The following SF3A2 variants were observed in gnomAD, a reference collection of about 807,000 sequenced individuals.
The protein encoded by SF3A2 is splicing factor 3a subunit 2, also known as SAP 62.
A neutral mutation model predicts 31.1 loss-of-function variants in SF3A2; 5 were observed. That is an observed-to-expected ratio of 0.16 (90% CI 0.08 to 0.34). The LOEUF (loss-of-function observed/expected upper bound fraction) is 0.34, where lower values mean the gene tolerates loss of function less well. Among genes scored for constraint, SF3A2 ranks in the 10% least tolerant of loss-of-function variants. SF3A2 has a pLI of 1.00. For missense variants in SF3A2, 577 were observed against 643.9 expected, an observed-to-expected ratio of 0.90 and a Z score of 1.13; for synonymous variants, 365 against 263.7, an observed-to-expected ratio of 1.38 and a Z score of -3.72.
At chr19:2,239,175 G>A (rs527881744) in intron 1 of SF3A2, among the ~76,000 whole-genome samples, 3 of 152,190 alleles carry the variant, frequency 2.0e-5, no homozygotes, top group Non-Finnish European at 2.9e-5. Flanking sequence ...GACCAGCCTC[G>A]CCAACCTGGC....
At chr19:2,244,868 C>A (rs150472707) in intron 4 of SF3A2, 89 bp downstream of exon 4, 3 of 1,297,178 alleles carry the variant, frequency 2.3e-6, no homozygotes, top group Non-Finnish European at 3.3e-6. Context: ...GCTCCACAGC[C>A]GGGGAGCCAG....
chr19:2,247,875 C>T lies in SF3A2; in HGVS notation c.724C>T (p.Pro242Ser), dbSNP rs1229638136. ...RPPPPLMNGL[P>S]PRPPLPESLP... Reference sequence around the variant, plus strand: ...TCCACCCCCGCTGATGAACGGTCTGCCCCCTCGGCCACCGCTGCCTGAGTC... The same window carrying T: ...TCCACCCCCGCTGATGAACGGTCTGTCCCCTCGGCCACCGCTGCCTGAGTC... The change falls in exon 9 of 9, where the codon CCC becomes TCC. Residue 242 changes from proline to serine, a missense_variant. By Grantham distance (74) the Pro-to-Ser change is moderately conservative. Transcript: ENST00000221494. The T allele has an allele frequency of 1.3e-6, 2 of 1,560,158 alleles. No homozygotes were observed. Among genetic ancestry groups the T allele is most frequent in the Admixed American group, 1.7e-5 (1 of 59,778 alleles).
At chr19:2,243,666 A>C (rs2024908996) in intron 2 of SF3A2, 122 bp downstream of exon 2, 6 of 1,182,190 alleles carry the variant, frequency 5.1e-6, no homozygotes, top group Non-Finnish European at 5.6e-6. Flanking sequence ...CCCCGTGTCC[A>C]GACGCTCCCC....
intron 1 of SF3A2, among the ~76,000 whole-genome samples, chr19:2,240,426 G>A (rs770136722): frequency 8.5e-5 from 13 of 152,232 alleles, no homozygotes; most frequent in Non-Finnish European, 1.6e-4. Context: ...GACCTTCCCC[G>A]GGGTGCCGCC....
chr19:2,246,595 A>G lies in SF3A2; in HGVS notation c.356-158A>G, dbSNP rs1261070526. On this transcript the variant is annotated intron_variant, in intron 5 of 8. Transcript: ENST00000221494. This position sits in a 1 kb window ranked among gnomAD's most constrained non-coding sequence, Gnocchi z 5.5. ...GCACCTGTGCCTTCACCTATACCAGAATCCCAGAGCCTGGGCGGAGATTGT... is the reference window on the plus strand; with the variant it reads ...GCACCTGTGCCTTCACCTATACCAGGATCCCAGAGCCTGGGCGGAGATTGT... Among the ~76,000 whole-genome samples, 1 of 152,096 alleles carries G rather than the reference A, an allele frequency of 6.6e-6. No individual in the cohort carries two copies. Among genetic ancestry groups the G allele is most frequent in the African/African-American group, 2.4e-5 (1 of 41,408 alleles).
In SF3A2 at chr19:2,247,650, G is replaced by A; in HGVS notation, c.603G>A (p.Arg201=). 1 of 1,613,406 alleles carries A rather than the reference G, an allele frequency of 6.2e-7. No homozygotes were observed. The highest frequency in any genetic ancestry group is 1.1e-5 in the South Asian group (1 of 91,090). Reference sequence around the variant, plus strand: ...GCAAGTTCTGGACACACTGGAACCGGGAGACCAAGCAGGTGAGTGGCTCGC... The same window carrying A: ...GCAAGTTCTGGACACACTGGAACCGAGAGACCAAGCAGGTGAGTGGCTCGC... ...AEGKFWTHWN[R]ETKQFFLQFH... The change falls in exon 8 of 9, where the codon CGG becomes CGA. Residue 201 remains arginine (R), a synonymous_variant. Transcript: ENST00000221494.
At chr19:2,238,134 C>T (rs1192500181) in intron 1 of SF3A2, among the ~76,000 whole-genome samples, 2 of 152,210 alleles carry the variant, frequency 1.3e-5, no homozygotes, top group East Asian at 3.9e-4. Flanking sequence ...AGCCATCCTC[C>T]TGCCTCAACC....
intron 1 of SF3A2, among the ~76,000 whole-genome samples, chr19:2,238,621 G>C (rs1441609066): frequency 6.6e-6 from 1 of 152,180 alleles, no homozygotes. Flanking sequence ...GGCTTTTCTT[G>C]TACCATTCTA....
At position 2,248,555 on chromosome 19, in the gene SF3A2, T is replaced by G; in HGVS notation, c.*9T>G. 1 of 942,676 alleles carries G rather than the reference T, an allele frequency of 1.1e-6. No homozygotes were observed. The highest frequency in any genetic ancestry group is 1.9e-5 in the African/African-American group (1 of 52,980). The allele number at this position is 942,676 out of a possible 1,614,324, so 58.4% of individuals were successfully genotyped here. ...CTCCCCCAACCAACTGAGAAGCTGC[T>G]CCCTCCCCCAGCAAGCCCAGCGCCA... On this transcript the variant is annotated 3_prime_UTR_variant, in exon 9 of 9. Transcript: ENST00000221494.
rs1312599509 is a variant in SF3A2 at position 2,246,509 on chromosome 19, G to A, written c.356-244G>A. 1.3e-5 allele frequency among the ~76,000 whole-genome samples: 2 copies of A among 152,122 alleles called. No individual in the cohort carries two copies. The highest frequency in any genetic ancestry group is 1.9e-4 in the East Asian group (1 of 5,178). On this transcript the variant is annotated intron_variant, in intron 5 of 8. Coordinates refer to ENST00000221494, the MANE Select transcript of SF3A2 (RefSeq NM_007165.5). This position sits in a 1 kb window ranked among gnomAD's most constrained non-coding sequence, Gnocchi z 5.5. ...CCTGGTGAAGGGCTCTGGGGATTGG[G>A]ACAAAGGAGCACCATCCTCGGTCCC...
In SF3A2 at chr19:2,246,420, C is replaced by T. The variant is rs2024933529; in HGVS notation, c.356-333C>T. On this transcript the variant is annotated intron_variant, in intron 5 of 8. Transcript: ENST00000221494. The surrounding 1 kb of genome is among the most constrained non-coding windows in gnomAD (Gnocchi z 5.5). The stretch of plus-strand genomic sequence containing the variant: ...GGCGGCCCCGCTCGAATCCCAGAGC[C>T]AGGGTGCCGAGGGCCCCTCCCTACC... Among the ~76,000 whole-genome samples, 1 of 152,108 alleles carries T rather than the reference C, an allele frequency of 6.6e-6. No homozygotes were observed. Among genetic ancestry groups the T allele is most frequent in the African/African-American group, 2.4e-5 (1 of 41,398 alleles).
chr19:2,241,301 C>T (rs188378547), intron 1 of SF3A2, among the ~76,000 whole-genome samples: 8 of 152,224 alleles, frequency 5.3e-5, no homozygotes, highest in African/African-American at 1.2e-4. Context: ...CCTTCTCACA[C>T]GTTCCCCCGA....
rs2024871386 is a variant in SF3A2, at chr19:2,239,567, T to G, written c.-38+2666T>G. Among the ~76,000 whole-genome samples, 4 of 152,188 alleles carry G rather than the reference T, an allele frequency of 2.6e-5. No homozygotes were observed. In the South Asian group the frequency reaches 8.3e-4, roughly 32 times the overall value. On this transcript the variant is annotated intron_variant, in intron 1 of 8. Coordinates refer to ENST00000221494, the MANE Select transcript of SF3A2 (RefSeq NM_007165.5). ...CTCATTTACCGGGGATCTTTTTATT[T>G]GCTGATCCTGGTGGGTGCTTGGTAT...
intron 1 of SF3A2, among the ~76,000 whole-genome samples, chr19:2,241,202 G>A (rs998731996): frequency 6.6e-6 from 1 of 152,136 alleles, no homozygotes; most frequent in Admixed American, 6.5e-5. Context: ...GCTTGATGAC[G>A]CCCCGAGATC....
At position 2,245,648 on chromosome 19, in the gene SF3A2, C is replaced by T. The variant is rs1349180223; in HGVS notation, c.355+93C>T. ...GTGCGGGAGGTGCAGCCCTGATAGC[C>T]TCCTCCCTGAGCCACTGTTTTCCGG... On this transcript the variant is annotated intron_variant, in intron 5 of 8. Transcript: ENST00000221494. The surrounding 1 kb of genome is among the most constrained non-coding windows in gnomAD (Gnocchi z 4.2). The T allele has an allele frequency of 3.3e-6, 3 of 919,132 alleles. No individual in the cohort carries two copies. The highest frequency in any genetic ancestry group is 5.2e-6 in the Non-Finnish European group (3 of 577,660). 56.9% of individuals were successfully genotyped at this position (919,132 alleles called of 1,614,324 possible).
chr19:2,243,587 T>A (rs746183510), intron 2 of SF3A2, 43 bp downstream of exon 2: 1 of 1,502,336 alleles, frequency 6.7e-7, no homozygotes, highest in East Asian at 2.7e-5. Context: ...GGTGCTGGGC[T>A]TTCCAGGGCA....
intron 4 of SF3A2, 82 bp downstream of exon 4, chr19:2,244,861 C>T: frequency 7.3e-7 from 1 of 1,364,708 alleles, no homozygotes; most frequent in East Asian, 2.5e-5. Flanking sequence ...GGCCACTGCT[C>T]CACAGCCGGG....
chr19:2,248,489 G>A lies in SF3A2; in HGVS notation c.1338G>A (p.Arg446=). Residue 446 remains arginine (R), a synonymous_variant, in exon 9 of 9, where the codon AGG becomes AGA. Transcript: ENST00000221494. ...HPPTPMPPML[R]PPLPSEGPGN... ...CAACTCCCATGCCCCCAATGCTGAGGCCCCCACTTCCCTCCGAAGGCCCAG... is the reference window on the plus strand; with the variant it reads ...CAACTCCCATGCCCCCAATGCTGAGACCCCCACTTCCCTCCGAAGGCCCAG... 5 of 1,144,606 alleles carry A rather than the reference G, an allele frequency of 4.4e-6. No individual in the cohort carries two copies. Among genetic ancestry groups the A allele is most frequent in the Non-Finnish European group, 4.5e-6 (4 of 891,582 alleles). 70.9% of individuals were successfully genotyped at this position (1,144,606 alleles called of 1,614,324 possible). A position where few individuals can be genotyped will look rare whatever the true frequency, so the allele number is the denominator to read the frequency against.
In SF3A2 at chr19:2,245,618, C is replaced by A; in HGVS notation, c.355+63C>A. ...CCGTGACATAAGTGTGTTCTTTAGT[C>A]TCCAGTGCGGGAGGTGCAGCCCTGA... On this transcript the variant is annotated intron_variant, in intron 5 of 8. Transcript: ENST00000221494. This position sits in a 1 kb window ranked among gnomAD's most constrained non-coding sequence, Gnocchi z 4.2. 1 of 1,248,066 alleles carries A rather than the reference C, an allele frequency of 8.0e-7. No individual in the cohort carries two copies. Among genetic ancestry groups the A allele is most frequent in the Non-Finnish European group, 1.1e-6 (1 of 871,234 alleles). The allele number at this position is 1,248,066 out of a possible 1,614,324, so 77.3% of individuals were successfully genotyped here.
Sources: gnomAD v4.1 joint callset for allele counts (sites outside exome capture counted in the v4.1 genomes callset) on GRCh38, gnomAD v4.1.1 for gene constraint, Gnocchi (gnomAD v3.1) non-coding constraint, MANE v1.5 for transcripts, NCBI Gene and HGNC (gene_info 2026-07-23, HGNC 2026-07-21) for gene names.